The following PLXNA2 variants were observed in gnomAD, a reference collection of about 807,000 sequenced individuals.
PLXNA2 encodes the protein plexin A2.
PLXNA2 carries 91 observed loss-of-function variants against 193.5 expected under a neutral mutation model. That is an observed-to-expected ratio of 0.47 (90% confidence interval 0.40 to 0.56). The LOEUF is 0.56. PLXNA2 is among the 20% of genes least tolerant of loss of function. The pLI is 0.00. For missense variants in PLXNA2, 1,995 were observed against 2,503.2 expected (o/e 0.80, Z 4.33); for synonymous variants, 997 against 1,027.3 (o/e 0.97, Z 0.56).
chr1:208,045,081 G>T lies in PLXNA2; in HGVS notation c.3625C>A (p.Gln1209Lys). The T allele has an allele frequency of 1.2e-6, 2 of 1,614,146 alleles. No individual in the cohort carries two copies. The highest frequency in any genetic ancestry group is 1.1e-5 in the South Asian group (1 of 91,072). The change falls in exon 19 of 32, where the codon CAG becomes AAG. Residue 1209 changes from glutamine to lysine, a missense_variant. Gln to Lys is a moderately conservative substitution (Grantham distance 53). Around this residue, in one of 3 missense-constraint regions of PLXNA2, gnomAD observed 1,291 missense variants for 1,673.6 expected, o/e 0.77. Transcript: ENST00000367033. Reference sequence around the variant, plus strand: ...GGCTCACTCACCATGACCTTGTGCTGCCCGGTGAGGTTGGGAGGCTCGCAG... The same window carrying T: ...GGCTCACTCACCATGACCTTGTGCTTCCCGGTGAGGTTGGGAGGCTCGCAG... ...LLCEPPNLTG[Q>K]HKVMVHVGGM...
Position 208,028,795 on chromosome 1 carries a change from C to T in PLXNA2, c.5438+35G>A, listed in dbSNP as rs1003459870. On this transcript the variant is annotated intron_variant, in intron 30 of 31. Transcript: ENST00000367033. The surrounding 1 kb of genome is among the most constrained non-coding windows in gnomAD (Gnocchi z 4.2). ...ATAGAGCGGGGAATGGGCAGGGAGA[C>T]AAGGGCATGGGCCTGTCCTGAGGGT... 2 of 1,583,194 alleles carry T rather than the reference C, an allele frequency of 1.3e-6. No individual in the cohort carries two copies. The highest frequency in any genetic ancestry group is 2.2e-5 in the East Asian group (1 of 44,650).
At chr1:208,130,997 T>C (rs953815796) in intron 4 of PLXNA2, among the ~76,000 whole-genome samples, 1 of 152,202 alleles carries the variant, frequency 6.6e-6, no homozygotes, top group African/African-American at 2.4e-5. Flanking sequence ...ATGGGAACCC[T>C]GTGTTCACAA....
At chr1:208,159,285 TTTTG>T (rs1669031724) in intron 3 of PLXNA2, among the ~76,000 whole-genome samples, 1 of 152,204 alleles carries the variant, frequency 6.6e-6, no homozygotes. Context: ...GGTAATGACA[TTTTG>T]TTTGTTTCTA....
Position 208,217,129 on chromosome 1 carries a change from C to T in PLXNA2, c.794G>A (p.Gly265Asp). Residue 265 changes from glycine to aspartate, a missense_variant, in exon 2 of 32, where the codon GGT (glycine) becomes GAT (aspartate). Coordinates refer to ENST00000367033, the MANE Select transcript of PLXNA2 (RefSeq NM_025179.4). The surrounding 1 kb of genome is among the most constrained non-coding windows in gnomAD (Gnocchi z 4.7). Reference sequence around the variant, plus strand: ...GTCTCCAGCGGAGTTGATGGCCACACCCTCAGGGGTCTCGGGCTGGACAGT... The same window carrying T: ...GTCTCCAGCGGAGTTGATGGCCACATCCTCAGGGGTCTCGGGCTGGACAGT... The part of the protein sequence containing the change: ...FLTVQPETPE[G>D]VAINSAGDLF... 2.5e-6 allele frequency: 4 copies of T among 1,614,188 alleles called. No individual in the cohort carries two copies. The highest frequency in any genetic ancestry group is 8.5e-7 in the Non-Finnish European group (1 of 1,180,036).
chr1:208,141,550 TG>T (rs749598112), intron 4 of PLXNA2, among the ~76,000 whole-genome samples: 2 of 152,190 alleles, frequency 1.3e-5, no homozygotes, highest in Non-Finnish European at 2.9e-5. Context: ...ACAAGACCCC[TG>T]CTGCTGCTGC....
At chr1:208,045,568 G>T (rs1433156931) in intron 18 of PLXNA2, among the ~76,000 whole-genome samples, 1 of 152,130 alleles carries the variant, frequency 6.6e-6, no homozygotes, top group Non-Finnish European at 1.5e-5. Flanking sequence ...TGTGTGTGTG[G>T]GCTCCTGTGG....
intron 3 of PLXNA2, among the ~76,000 whole-genome samples, chr1:208,209,263 T>C (rs779301668): frequency 2.0e-5 from 3 of 152,208 alleles, no homozygotes; most frequent in Non-Finnish European, 2.9e-5. Context: ...AAGCAGAACA[T>C]AGAAATTCTT....
chr1:208,200,218 T>C (rs904396630), intron 3 of PLXNA2, among the ~76,000 whole-genome samples: 1 of 152,150 alleles, frequency 6.6e-6, no homozygotes, highest in African/African-American at 2.4e-5. Context: ...CCTAGAAACC[T>C]TTCTGGAGGC....
intron 4 of PLXNA2, among the ~76,000 whole-genome samples, chr1:208,105,440 G>A (rs1667239067): frequency 6.6e-6 from 1 of 152,216 alleles, no homozygotes; most frequent in Non-Finnish European, 1.5e-5. Context: ...GGCTACATTA[G>A]TCCCTGCCAA....
intron 1 of PLXNA2, among the ~76,000 whole-genome samples, chr1:208,229,849 G>A (rs980712591): frequency 6.6e-6 from 1 of 152,210 alleles, no homozygotes; most frequent in African/African-American, 2.4e-5. Flanking sequence ...GGTGAGGGAA[G>A]TCCCCTTGGA....
At chr1:208,081,939 C>A (rs987283006) in intron 11 of PLXNA2, among the ~76,000 whole-genome samples, 4 of 152,300 alleles carry the variant, frequency 2.6e-5, no homozygotes, top group African/African-American at 9.6e-5. Context: ...TTCCTGAATT[C>A]TTTGCTCCCG....
chr1:208,226,708 G>A (rs1004811159), intron 1 of PLXNA2, among the ~76,000 whole-genome samples: 1 of 152,164 alleles, frequency 6.6e-6, no homozygotes, highest in Admixed American at 6.5e-5. Flanking sequence ...GTCGCCACCC[G>A]GGCAGAGCTG....
intron 20 of PLXNA2, among the ~76,000 whole-genome samples, chr1:208,043,531 G>T (rs183886368): frequency 6.6e-6 from 1 of 152,358 alleles, no homozygotes; most frequent in Non-Finnish European, 1.5e-5. Flanking sequence ...GCAGGTGAGA[G>T]ACCATGGCTG....
intron 3 of PLXNA2, among the ~76,000 whole-genome samples, chr1:208,161,787 C>T (rs1476885796): frequency 6.6e-6 from 1 of 152,220 alleles, no homozygotes; most frequent in African/African-American, 2.4e-5. Context: ...AGCCTCTCTC[C>T]CCTGCCCTCC....
chr1:208,073,709 C>T (rs191949761), intron 12 of PLXNA2, among the ~76,000 whole-genome samples: 7 of 151,618 alleles, frequency 4.6e-5, no homozygotes, highest in East Asian at 1.9e-4. Flanking sequence ...AAGAGGTAAT[C>T]GTATTAAAAT....
chr1:208,226,409 C>T (rs1354226940), intron 1 of PLXNA2, among the ~76,000 whole-genome samples: 1 of 152,084 alleles, frequency 6.6e-6, no homozygotes, highest in Admixed American at 6.5e-5. Context: ...CACCAGCTCT[C>T]CCAGGGCCTT....
At chr1:208,170,535 G>C (rs1669462384) in intron 3 of PLXNA2, among the ~76,000 whole-genome samples, 2 of 152,232 alleles carry the variant, frequency 1.3e-5, no homozygotes, top group South Asian at 2.1e-4. Context: ...GGGGCATGAG[G>C]CTGGCTAGCA....
chr1:208,088,879 C>G (rs4844637), intron 9 of PLXNA2, among the ~76,000 whole-genome samples: 36,414 of 152,132 alleles, frequency 0.24, 4,712 homozygotes, highest in Admixed American at 0.33. Flanking sequence ...AGTGGACTTT[C>G]ACTTATTCAA....
intron 1 of PLXNA2, among the ~76,000 whole-genome samples, chr1:208,225,364 G>A (rs1310537684): frequency 6.6e-6 from 1 of 152,078 alleles, no homozygotes; most frequent in African/African-American, 2.4e-5. Context: ...GTGCAGTGGC[G>A]CGATCTCAGC....
Sources: gnomAD v4.1 joint callset for allele counts (sites outside exome capture counted in the v4.1 genomes callset) on GRCh38, gnomAD v4.1.1 for gene constraint, gnomAD v4.1.1 regional missense constraint, Gnocchi (gnomAD v3.1) non-coding constraint, MANE v1.5 for transcripts, NCBI Gene and HGNC (gene_info 2026-07-23, HGNC 2026-07-21) for gene names.